The following GDA variants were observed in gnomAD, a reference collection of about 807,000 sequenced individuals.
GDA encodes cytoplasmic PSD-95 interactor.
Under a neutral mutation model 59.6 loss-of-function variants are expected in GDA, and 18 were observed. That is an observed-to-expected ratio of 0.30 (90% CI 0.21 to 0.45). GDA has a LOEUF of 0.45. Among genes scored for constraint, GDA ranks in the 20% least tolerant of loss-of-function variants. The pLI is 1.00. For synonymous variants in GDA, 201 were observed against 201.1 expected (o/e 1.00, Z 0.00); for missense variants, 427 against 552.3 (o/e 0.77, Z 2.27).
At chr9:72,145,654 C>T (rs1019370693), upstream of GDA, among the ~76,000 whole-genome samples, 11 of 152,176 alleles carry the variant, frequency 7.2e-5, no homozygotes, top group South Asian at 2.1e-4. Flanking sequence ...GTTTAGAACA[C>T]GATGATCCCA....
chr9:72,195,149 A>G (rs1246756110), intron 1 of GDA, among the ~76,000 whole-genome samples: 1 of 152,172 alleles, frequency 6.6e-6, no homozygotes, highest in Non-Finnish European at 1.5e-5. Flanking sequence ...TAGTTGTCAA[A>G]TTGGTGTCCT....
rs542845692 is a variant in GDA at position 72,219,259 on chromosome 9, T to C, written c.579-220T>C. ...CTCTACTAAAAATACAAAAATTAGC[T>C]GGACGTGGTGGCGGGTGCCTGTAGT... On this transcript the variant is annotated intron_variant, in intron 5 of 13. Transcript: ENST00000358399. Among the ~76,000 whole-genome samples, 11 of 152,062 alleles carry C rather than the reference T, an allele frequency of 7.2e-5. No homozygotes were observed. In the East Asian group the frequency reaches 1.7e-3, roughly 24 times the overall value.
rs1046176561 is a variant in GDA at position 72,130,140 on chromosome 9, C to T, written c.-100+15307C>T. ...GGAGACACAGAATCCCTTATTCTAA[C>T]CCTGCATTCACATTAGGAGGTCATC... On this transcript the variant is annotated intron_variant, in intron 1 of 13. Coordinates refer to the GDA transcript ENST00000545168. Among the ~76,000 whole-genome samples, 3 of 152,286 alleles carry T rather than the reference C, an allele frequency of 2.0e-5. No individual in the cohort carries two copies. The East Asian group carries it at 5.8e-4, about 29-fold the overall frequency.
chr9:72,119,622 G>C (rs1825590513), intron 1 of GDA, among the ~76,000 whole-genome samples: 1 of 152,206 alleles, frequency 6.6e-6, no homozygotes, highest in Admixed American at 6.5e-5. Flanking sequence ...TGAGAAGGTA[G>C]CTGATTTTTA....
chr9:72,220,610 C>T (rs144803536), intron 6 of GDA, among the ~76,000 whole-genome samples: 3 of 152,158 alleles, frequency 2.0e-5, no homozygotes, highest in Non-Finnish European at 2.9e-5. Context: ...TTCCTTACCC[C>T]CCTCTGGGAT....
rs1332155654 is a variant in GDA at position 72,247,399 on chromosome 9, A to G, written c.1267-7A>G. Reference sequence around the variant, plus strand: ...GTCTTTCTTATTACTTTTATTTTCCATTTTAGGCTGTTATCCAGAAGTTCC... The same window carrying G: ...GTCTTTCTTATTACTTTTATTTTCCGTTTTAGGCTGTTATCCAGAAGTTCC... On this transcript the variant is annotated splice_polypyrimidine_tract_variant and splice_region_variant and intron_variant, in intron 12 of 13. Coordinates refer to ENST00000358399, the MANE Select transcript of GDA (RefSeq NM_004293.5). 3.4e-6 allele frequency: 5 copies of G among 1,471,424 alleles called. No individual in the cohort carries two copies. The Admixed American group carries it at 8.4e-5, about 25-fold the overall frequency. 91.1% of individuals were successfully genotyped at this position (1,471,424 alleles called of 1,614,324 possible). A position where few individuals can be genotyped will look rare whatever the true frequency, so the allele number is the denominator to read the frequency against.
chr9:72,210,560 C>A, intron 3 of GDA, 127 bp from the exon 4 acceptor site: 1 of 622,094 alleles, frequency 1.6e-6, no homozygotes, highest in Non-Finnish European at 2.9e-6. Context: ...CTGTACTCTA[C>A]ATCAAGATGG....
chr9:72,205,374 C>G (rs1024616323), intron 3 of GDA, among the ~76,000 whole-genome samples: 13 of 152,180 alleles, frequency 8.5e-5, no homozygotes, highest in Admixed American at 8.5e-4. Context: ...TGTCCTGTCC[C>G]TTTACTGTAA....
chr9:72,156,801 C>G (rs1827944746), intron 1 of GDA, among the ~76,000 whole-genome samples: 1 of 152,094 alleles, frequency 6.6e-6, no homozygotes, highest in South Asian at 2.1e-4. Flanking sequence ...TGATAATATT[C>G]TGACATACAG....
Position 72,198,530 on chromosome 9 carries a change from C to CAA in GDA, c.212+2957_212+2958dup, listed in dbSNP as rs57886644. Among the ~76,000 whole-genome samples the CAA allele has an allele frequency of 2.0e-3, 218 of 108,830 alleles. 3 individuals carry two copies. The highest frequency in any genetic ancestry group is 0.011 in the East Asian group (48 of 4,280). The allele number at this position is 108,830 out of a possible 152,430, so 71.4% of individuals were successfully genotyped here. ...CTACAGCCTGAGTGAGACTCCATCT[C>CAA]AAAAAAAAAAAAAAAATTAATGCAA... On this transcript the variant is annotated intron_variant, in intron 2 of 13. Transcript: ENST00000358399.
intron 9 of GDA, chr9:72,228,337 C>T (rs961736225): frequency 3.2e-6 from 1 of 313,010 alleles, no homozygotes; most frequent in Non-Finnish European, 6.1e-6. Flanking sequence ...ACTGAAAGAA[C>T]CCATATGTCA....
intron 11 of GDA, among the ~76,000 whole-genome samples, chr9:72,243,541 T>C (rs1684807345): frequency 6.6e-6 from 1 of 152,236 alleles, no homozygotes; most frequent in Admixed American, 6.5e-5. Flanking sequence ...GGAGAGAATT[T>C]CCAGTGATTT....
At chr9:72,199,994 CT>C (rs1271694156) in intron 2 of GDA, among the ~76,000 whole-genome samples, 2,517 of 119,786 alleles carry the variant, frequency 0.021, 17 homozygotes, top group African/African-American at 0.062. Context: ...TGAATCCTTT[CT>C]TTTTTTTTTT....
intron 10 of GDA, among the ~76,000 whole-genome samples, chr9:72,240,898 T>G (rs1839536059): frequency 6.6e-6 from 1 of 152,224 alleles, no homozygotes; most frequent in African/African-American, 2.4e-5. Flanking sequence ...AAATTTCTGC[T>G]GTTTTAAGCT....
chr9:72,174,282 A>G (rs1830308194), intron 1 of GDA, among the ~76,000 whole-genome samples: 1 of 152,244 alleles, frequency 6.6e-6, no homozygotes, highest in Non-Finnish European at 1.5e-5. Context: ...TAGGAAAGAC[A>G]GATATGAATA....
intron 10 of GDA, among the ~76,000 whole-genome samples, chr9:72,233,606 G>C (rs554213060): frequency 5.3e-5 from 8 of 152,182 alleles, no homozygotes; most frequent in Admixed American, 2.6e-4. Flanking sequence ...TTTTACTCTT[G>C]GGTATTTACC....
At chr9:72,230,508 A>T (rs540134077) in intron 9 of GDA, among the ~76,000 whole-genome samples, 1 of 144,196 alleles carries the variant, frequency 6.9e-6, no homozygotes, top group African/African-American at 2.5e-5. Flanking sequence ...AAAAATATAT[A>T]TATATATATA....
chr9:72,244,861 A>G (rs1839982343), intron 11 of GDA, among the ~76,000 whole-genome samples: 1 of 152,182 alleles, frequency 6.6e-6, no homozygotes, highest in Non-Finnish European at 1.5e-5. Flanking sequence ...CAGCTGGGCT[A>G]TGAAGTGCAC....
intron 1 of GDA, among the ~76,000 whole-genome samples, chr9:72,177,821 A>G (rs970266398): frequency 2.0e-5 from 3 of 152,186 alleles, no homozygotes; most frequent in Non-Finnish European, 4.4e-5. Context: ...ACCTTTAATC[A>G]CTATCCACAT....
Sources: gnomAD v4.1 joint callset for allele counts (sites outside exome capture counted in the v4.1 genomes callset) on GRCh38, gnomAD v4.1.1 for gene constraint, MANE v1.5 for transcripts, NCBI Gene and HGNC (gene_info 2026-07-23, HGNC 2026-07-21) for gene names.